LRRIQ1: variants seen among roughly 807,000 people sequenced by gnomAD.
The protein encoded by LRRIQ1 is leucine-rich repeat- and IQ domain-containing protein 1.
Under a neutral mutation model 211.9 loss-of-function variants are expected in LRRIQ1, and 210 were observed. The observed-to-expected ratio is 0.99, with a 90% CI of 0.89 to 1.11. The LOEUF (loss-of-function observed/expected upper bound fraction) is 1.11. Ranked by LOEUF, LRRIQ1 falls within the 50% of genes most tolerant of loss-of-function variation. The pLI is 0.00. For synonymous variants in LRRIQ1, 699 were observed against 650.1 expected (o/e 1.08, Z -1.14); for missense variants, 2,136 against 1,939.5 (o/e 1.10, Z -1.90).
At chr12:85,230,840 G>A (rs1329160969) in intron 25 of LRRIQ1, among the ~76,000 whole-genome samples, 1 of 152,114 alleles carries the variant, frequency 6.6e-6, no homozygotes, top group East Asian at 1.9e-4. Context: ...ACGAGGTCAG[G>A]AGATCGAAAC....
intron 11 of LRRIQ1, among the ~76,000 whole-genome samples, chr12:85,088,179 C>A (rs572120786): frequency 6.6e-6 from 1 of 152,178 alleles, no homozygotes; most frequent in Admixed American, 6.5e-5. Context: ...GTCAGTTTTC[C>A]CAGCACCATT....
intron 24 of LRRIQ1, among the ~76,000 whole-genome samples, chr12:85,176,723 C>A (rs1035312315): frequency 9.5e-5 from 14 of 147,418 alleles, no homozygotes; most frequent in Non-Finnish European, 1.5e-4. Context: ...GCACATGTAC[C>A]CTAAAACTTA....
intron 24 of LRRIQ1, among the ~76,000 whole-genome samples, chr12:85,217,538 GT>G (rs1894178290): frequency 8.8e-6 from 1 of 113,510 alleles, no homozygotes; most frequent in Non-Finnish European, 1.6e-5. Flanking sequence ...GTGTGTGTGT[GT>G]GTGTGTGTGT....
chr12:85,112,050 G>T (rs1401413703), intron 15 of LRRIQ1, among the ~76,000 whole-genome samples: 1 of 151,808 alleles, frequency 6.6e-6, no homozygotes, highest in Non-Finnish European at 1.5e-5. Flanking sequence ...GATACGACAT[G>T]TTTGCATGCA....
At chr12:85,180,985 A>G (rs1891953447) in intron 24 of LRRIQ1, among the ~76,000 whole-genome samples, 2 of 151,882 alleles carry the variant, frequency 1.3e-5, no homozygotes, top group African/African-American at 4.8e-5. Context: ...TAAATGATCT[A>G]TTCTACTCTA....
chr12:85,247,502 AT>A (rs1163814126), downstream of LRRIQ1, among the ~76,000 whole-genome samples: 1 of 151,590 alleles, frequency 6.6e-6, no homozygotes, highest in Non-Finnish European at 1.5e-5. Context: ...CAGATTTAAA[AT>A]CCCAGTTCCA....
Position 85,052,186 on chromosome 12 carries a change from G to A in LRRIQ1, c.688G>A (p.Asp230Asn). Residue 230 changes from aspartate to asparagine, a missense_variant, in exon 7 of 27, where the codon GAC (aspartate) becomes AAC (asparagine). Physicochemically the swap from Asp to Asn is conservative, Grantham distance 23. Coordinates refer to ENST00000393217, the MANE Select transcript of LRRIQ1 (RefSeq NM_001079910.2). ...KLENIQKQEQ[D>N]KMNDELYKEE... The stretch of plus-strand genomic sequence containing the variant: ...ATTATCATATGTTCAGCAAGAACAG[G>A]ACAAGATGAATGATGAACTCTATAA... The A allele has an allele frequency of 6.5e-7, 1 of 1,530,214 alleles. No individual in the cohort carries two copies. The allele number at this position is 1,530,214 out of a possible 1,614,324, so 94.8% of individuals were successfully genotyped here. A position where few individuals can be genotyped will look rare whatever the true frequency, so the allele number is the denominator to read the frequency against.
chr12:85,072,536 C>T (rs1883199037), intron 10 of LRRIQ1, among the ~76,000 whole-genome samples: 1 of 141,312 alleles, frequency 7.1e-6, no homozygotes, highest in Non-Finnish European at 1.6e-5. Flanking sequence ...TGTCGTTAAT[C>T]AGCCTTTTTT....
intron 15 of LRRIQ1, among the ~76,000 whole-genome samples, chr12:85,107,202 A>G (rs1437847687): frequency 6.6e-6 from 1 of 152,096 alleles, no homozygotes; most frequent in African/African-American, 2.4e-5. Flanking sequence ...CCCCAAATTG[A>G]CCACCATCTT....
intron 16 of LRRIQ1, among the ~76,000 whole-genome samples, chr12:85,123,728 C>T (rs902435910): frequency 6.6e-6 from 1 of 152,062 alleles, no homozygotes; most frequent in Non-Finnish European, 1.5e-5. Flanking sequence ...TCATAAATAA[C>T]TTCTCCAAAT....
chr12:85,066,699 A>G lies in LRRIQ1; in HGVS notation c.2545-49A>G, dbSNP rs1375180836. ...TCTTTTTGAAAGCTTTAAATAGTTC[A>G]TTAATAAGCCATTGAAATAAAACTA... On this transcript the variant is annotated intron_variant, in intron 9 of 26. Transcript: ENST00000393217. 5.5e-6 allele frequency: 8 copies of G among 1,449,094 alleles called. No individual in the cohort carries two copies. The South Asian group carries it at 9.1e-5, about 17-fold the overall frequency. The allele number at this position is 1,449,094 out of a possible 1,614,324, so 89.8% of individuals were successfully genotyped here. A position where few individuals can be genotyped will look rare whatever the true frequency, so the allele number is the denominator to read the frequency against.
intron 24 of LRRIQ1, among the ~76,000 whole-genome samples, chr12:85,227,034 G>A (rs538676719): frequency 1.3e-5 from 2 of 151,576 alleles, no homozygotes; most frequent in African/African-American, 4.9e-5. Flanking sequence ...AATCCTTTGG[G>A]TATATGCCCA....
chr12:85,112,339 T>C (rs1467488034), intron 15 of LRRIQ1, among the ~76,000 whole-genome samples: 2 of 151,598 alleles, frequency 1.3e-5, no homozygotes, highest in East Asian at 3.9e-4. Flanking sequence ...AAATCAATAT[T>C]AATATTTTCT....
chr12:85,201,542 C>G (rs1423416434), intron 24 of LRRIQ1, among the ~76,000 whole-genome samples: 1 of 151,950 alleles, frequency 6.6e-6, no homozygotes, highest in African/African-American at 2.4e-5. Context: ...AGGACTTTAT[C>G]CATTTCCTGT....
chr12:85,066,792 C>T lies in LRRIQ1; in HGVS notation c.2589C>T (p.Leu863=), dbSNP rs1416807169. 6.3e-7 allele frequency: 1 copy of T among 1,599,410 alleles called. No homozygotes were observed. The highest frequency in any genetic ancestry group is 2.3e-5 in the East Asian group (1 of 43,940). The change falls in exon 10 of 27, where the codon CTC becomes CTT. Residue 863 remains leucine (L), a synonymous_variant. Coordinates refer to ENST00000393217, the MANE Select transcript of LRRIQ1 (RefSeq NM_001079910.2). ...EAIECENLEN[L]CVVLLNKNQL... Reference sequence around the variant, plus strand: ...TTGAGTGTGAAAATTTGGAAAATCTCTGTGTTGTTCTTCTTAATAAAAATC... The same window carrying T: ...TTGAGTGTGAAAATTTGGAAAATCTTTGTGTTGTTCTTCTTAATAAAAATC...
chr12:85,151,487 G>A (rs899966932), intron 19 of LRRIQ1, among the ~76,000 whole-genome samples: 1 of 151,438 alleles, frequency 6.6e-6, no homozygotes, highest in Non-Finnish European at 1.5e-5. Context: ...GGTATTCTAA[G>A]CATCTTTTTT....
chr12:85,152,996 C>T, intron 20 of LRRIQ1, 28 bp from the exon 21 acceptor site: 1 of 1,489,144 alleles, frequency 6.7e-7, no homozygotes, highest in Non-Finnish European at 9.2e-7. Context: ...TATTTTACTT[C>T]ACACTTATTT....
Position 85,038,187 on chromosome 12 carries a change from A to AGGG in LRRIQ1, c.11_12insGGG (p.Asp4delinsGluGly). On this transcript the variant is annotated protein_altering_variant, in exon 2 of 27. Coordinates refer to ENST00000393217, the MANE Select transcript of LRRIQ1 (RefSeq NM_001079910.2). ...TTATTATGAAGAATAATGGACGATG[A>AGGG]TGATGCAAAGCTCAAAGCAGAAATA... is the stretch of plus-strand genomic sequence containing the variant. 6.4e-7 allele frequency: 1 copy of AGGG among 1,562,982 alleles called. No homozygotes were observed. Among genetic ancestry groups the AGGG allele is most frequent in the Non-Finnish European group, 8.7e-7 (1 of 1,152,498 alleles).
At chr12:85,152,934 G>A in intron 20 of LRRIQ1, 90 bp from the exon 21 acceptor site, 2 of 773,276 alleles carry the variant, frequency 2.6e-6, no homozygotes, top group Non-Finnish European at 2.0e-6. Context: ...CCCTTAGGAG[G>A]CTATTTGGTA....
Sources: allele counts gnomAD v4.1 joint callset (sites outside exome capture counted in the v4.1 genomes callset), GRCh38; gene constraint gnomAD v4.1.1; transcripts MANE v1.5; gene names NCBI Gene and HGNC (gene_info 2026-07-23, HGNC 2026-07-21).